CYB5D2: variants seen among roughly 807,000 people sequenced by gnomAD.
CYB5D2 encodes the protein neuferricin.
In CYB5D2, 23 loss-of-function variants were observed where a neutral mutation model predicts 22.8. The observed-to-expected ratio is 1.01, with a 90% CI of 0.73 to 1.43. CYB5D2 has a LOEUF of 1.43. CYB5D2 is among the 40% of genes most tolerant of loss of function. The pLI, the probability that CYB5D2 is intolerant of heterozygous loss-of-function variation, is 0.00. For synonymous variants in CYB5D2, 170 were observed against 152.2 expected (o/e 1.12, Z -0.86); for missense variants, 373 against 357.2 (o/e 1.04, Z -0.36).
At chr17:4,153,472 A>G (rs1409235151) in intron 2 of CYB5D2, among the ~76,000 whole-genome samples, 1 of 152,250 alleles carries the variant, frequency 6.6e-6, no homozygotes, top group African/African-American at 2.4e-5. Flanking sequence ...AGAGGCCTTG[A>G]TAAGAAATTT....
At chr17:4,144,692 G>C (rs988967633) in intron 1 of CYB5D2, among the ~76,000 whole-genome samples, 2 of 152,132 alleles carry the variant, frequency 1.3e-5, no homozygotes, top group African/African-American at 2.4e-5. Context: ...AGTTTATGCT[G>C]GTGTCCCTGT....
intron 1 of CYB5D2, 98 bp downstream of exon 1, chr17:4,144,103 CA>C (rs1338540071): frequency 7.0e-7 from 1 of 1,436,040 alleles, no homozygotes; most frequent in South Asian, 1.4e-5. Context: ...TTTCCCCCCC[CA>C]TCCCCACCCC....
intron 2 of CYB5D2, among the ~76,000 whole-genome samples, chr17:4,151,226 C>T (rs1394503913): frequency 6.6e-6 from 1 of 152,138 alleles, no homozygotes; most frequent in Non-Finnish European, 1.5e-5. Flanking sequence ...TTCATTTTCT[C>T]TCGTATGCCC....
chr17:4,143,770 A>T lies in CYB5D2; in HGVS notation c.15A>T (p.Gly5=), dbSNP rs370488302. Residue 5 remains glycine (G), a synonymous_variant, in exon 1 of 4, where the codon GGA becomes GGT. Coordinates refer to ENST00000301391, the MANE Select transcript of CYB5D2 (RefSeq NM_144611.4). MLRC[G]GRGLLLGLAV... Reference sequence around the variant, plus strand: ...GGCCTATATAGATGTTGAGGTGCGGAGGCCGTGGGCTTTTGTTGGGCCTGG... The same window carrying T: ...GGCCTATATAGATGTTGAGGTGCGGTGGCCGTGGGCTTTTGTTGGGCCTGG... The T allele has an allele frequency of 1.9e-6, 3 of 1,613,650 alleles. No homozygotes were observed. Among genetic ancestry groups the T allele is most frequent in the Non-Finnish European group, 2.5e-6 (3 of 1,179,872 alleles).
intron 1 of CYB5D2, among the ~76,000 whole-genome samples, chr17:4,149,046 G>A (rs2059024789): frequency 6.6e-6 from 1 of 151,906 alleles, no homozygotes; most frequent in African/African-American, 2.4e-5. Flanking sequence ...GGCTCAAGCA[G>A]TCCTCCTTAT....
intron 2 of CYB5D2, 77 bp from the exon 3 acceptor site, chr17:4,154,597 G>T: frequency 6.6e-7 from 1 of 1,513,190 alleles, no homozygotes; most frequent in Non-Finnish European, 8.9e-7. Context: ...AGAAACCCTG[G>T]GAACTTGTGC....
intron 1 of CYB5D2, among the ~76,000 whole-genome samples, chr17:4,147,058 C>T (rs1303049455): frequency 6.6e-6 from 1 of 152,092 alleles, no homozygotes; most frequent in African/African-American, 2.4e-5. Context: ...TTTTTGGTTT[C>T]TTTCTACTTT....
Position 4,143,802 on chromosome 17 carries a change from C to G in CYB5D2, c.47C>G (p.Ala16Gly). ...GRGLLLGLAV[A>G]AAAVMAARLM... ...GGGCTTTTGTTGGGCCTGGCTGTAG[C>G]CGCAGCAGCGGTAATGGCAGCACGG... Residue 16 changes from alanine to glycine, a missense_variant, in exon 1 of 4, where the codon GCC (alanine) becomes GGC (glycine). Coordinates refer to ENST00000301391, the MANE Select transcript of CYB5D2 (RefSeq NM_144611.4). The G allele has an allele frequency of 1.2e-6, 2 of 1,614,096 alleles. No individual in the cohort carries two copies. Among genetic ancestry groups the G allele is most frequent in the Non-Finnish European group, 1.7e-6 (2 of 1,180,000 alleles).
At position 4,157,038 on chromosome 17, in the gene CYB5D2, A is replaced by C. The variant is rs1433410696; in HGVS notation, c.751A>C (p.Thr251Pro). 1.2e-6 allele frequency: 2 copies of C among 1,612,508 alleles called. No individual in the cohort carries two copies. Residue 251 changes from threonine (T) to proline (P), a missense_variant, in exon 4 of 4, where the codon ACA becomes CCA. By Grantham distance (38) the Thr-to-Pro change is conservative. Transcript: ENST00000301391. The surrounding 1 kb of genome is among the most constrained non-coding windows in gnomAD (Gnocchi z 4.4). The part of the protein sequence containing the change: ...DLDHPNLAEY[T>P]GCPPLAITCS... Reference sequence around the variant, plus strand: ...GGACCACCCAAACTTGGCAGAGTACACAGGCTGCCCACCGCTAGCCATCAC... The same window carrying C: ...GGACCACCCAAACTTGGCAGAGTACCCAGGCTGCCCACCGCTAGCCATCAC...
intron 1 of CYB5D2, 85 bp downstream of exon 1, chr17:4,144,090 C>G: frequency 6.7e-7 from 1 of 1,494,738 alleles, no homozygotes. Flanking sequence ...CATTATTCAT[C>G]TATTTCCCCC....
chr17:4,148,431 G>A (rs1043121390), intron 1 of CYB5D2, among the ~76,000 whole-genome samples: 2 of 149,772 alleles, frequency 1.3e-5, no homozygotes, highest in African/African-American at 4.9e-5. Flanking sequence ...GCAGGAGAAT[G>A]GCTTGAACCC....
At chr17:4,148,175 C>G (rs569320077) in intron 1 of CYB5D2, among the ~76,000 whole-genome samples, 6 of 151,920 alleles carry the variant, frequency 3.9e-5, no homozygotes, top group African/African-American at 1.4e-4. Context: ...ACTGCTTAGG[C>G]AGAAAATAAC....
Position 4,154,833 on chromosome 17 carries a change from G to GCAGC in CYB5D2, c.553_556dup (p.Arg186GlnfsTer25). The GCAGC allele has an allele frequency of 6.2e-7, 1 of 1,613,928 alleles. No homozygotes were observed. The highest frequency in any genetic ancestry group is 8.5e-7 in the Non-Finnish European group (1 of 1,179,924). On this transcript the variant is annotated frameshift_variant, in exon 3 of 4. Transcript: ENST00000301391. LOFTEE classifies it high-confidence loss of function. ...AACGCGGAGTGGAGCTCAGCCAGGG[G>GCAGC]CAGCCGGCTCTGGTGCTCCCAGAAG...
In CYB5D2 at chr17:4,154,816, G is replaced by C; in HGVS notation, c.534G>C (p.Glu178Asp). ...AGACATTCCCGCCGTGCAACGCGGA[G>C]TGGAGCTCAGCCAGGGGCAGCCGGC... ...EKQTFPPCNA[E>D]WSSARGSRLW... Residue 178 changes from glutamate (E) to aspartate (D), a missense_variant, in exon 3 of 4, where the codon GAG becomes GAC. Glu to Asp is a conservative substitution (Grantham distance 45). Transcript: ENST00000301391. The C allele has an allele frequency of 6.2e-7, 1 of 1,614,216 alleles. No homozygotes were observed. The highest frequency in any genetic ancestry group is 8.5e-7 in the Non-Finnish European group (1 of 1,180,036).
At chr17:4,149,480 G>T (rs567859110) in intron 1 of CYB5D2, among the ~76,000 whole-genome samples, 6 of 152,342 alleles carry the variant, frequency 3.9e-5, no homozygotes, top group African/African-American at 1.4e-4. Flanking sequence ...CTGGGGATAA[G>T]GAGTAGGGCT....
At chr17:4,146,066 A>T (rs1449019872) in intron 1 of CYB5D2, among the ~76,000 whole-genome samples, 1 of 151,974 alleles carries the variant, frequency 6.6e-6, no homozygotes, top group Non-Finnish European at 1.5e-5. Context: ...TTGGGATTAC[A>T]GGTGTGAGCC....
Position 4,143,605 on chromosome 17 carries a change from G to A in CYB5D2, c.-151G>A, listed in dbSNP as rs186173391. The stretch of plus-strand genomic sequence containing the variant: ...CCAGTGCCAGGAATACAGATAAAAC[G>A]AGAGAGACTAAGGGAGGGAGCGCGA... On this transcript the variant is annotated 5_prime_UTR_variant, in exon 1 of 4. Coordinates refer to ENST00000301391, the MANE Select transcript of CYB5D2 (RefSeq NM_144611.4). The A allele has an allele frequency of 8.6e-5, 96 of 1,110,960 alleles. No homozygotes were observed. The African/African-American group carries it at 1.3e-3, about 15-fold the overall frequency. The allele number at this position is 1,110,960 out of a possible 1,614,324, so 68.8% of individuals were successfully genotyped here.
In CYB5D2 at chr17:4,146,746, C is replaced by G. The variant is rs148496428; in HGVS notation, c.250+2741C>G. On this transcript the variant is annotated intron_variant, in intron 1 of 3. Transcript: ENST00000301391. ...ATTTGTAAAAATGTCACCACTAACTCTAGAACATTCTTCTCACCCCAGAAA... is the reference window on the plus strand; with the variant it reads ...ATTTGTAAAAATGTCACCACTAACTGTAGAACATTCTTCTCACCCCAGAAA... Among the ~76,000 whole-genome samples the G allele has an allele frequency of 6.5e-4, 99 of 151,798 alleles. 3 individuals are homozygous for G. In the East Asian group the frequency reaches 0.016, roughly 25 times the overall value.
At position 4,143,715 on chromosome 17, in the gene CYB5D2, G is replaced by C. The variant is rs768604843; in HGVS notation, c.-41G>C. ...CTCGGCCATCTTAGCTGTAGATAGA[G>C]GCGGCAACCTCGGAAGTGCGGAGCG... On this transcript the variant is annotated 5_prime_UTR_variant, in exon 1 of 4. Coordinates refer to ENST00000301391, the MANE Select transcript of CYB5D2 (RefSeq NM_144611.4). 9.5e-6 allele frequency: 15 copies of C among 1,573,020 alleles called. No individual in the cohort carries two copies. The highest frequency in any genetic ancestry group is 1.2e-5 in the South Asian group (1 of 86,612).
Sources: gnomAD v4.1 joint callset for allele counts (sites outside exome capture counted in the v4.1 genomes callset) on GRCh38, gnomAD v4.1.1 for gene constraint, Gnocchi (gnomAD v3.1) non-coding constraint, MANE v1.5 for transcripts, NCBI Gene and HGNC (gene_info 2026-07-23, HGNC 2026-07-21) for gene names.